The following FGF19 variants were observed in gnomAD, a reference collection of about 807,000 sequenced individuals.
FGF19 encodes FGF-19.
A neutral mutation model predicts 8.9 loss-of-function variants in FGF19; 5 were observed. The observed-to-expected ratio is 0.56, with a 90% CI of 0.29 to 1.18. The LOEUF is 1.18. Ranked by LOEUF, FGF19 falls within the 50% of genes most tolerant of loss-of-function variation. The pLI, the probability that FGF19 is intolerant of heterozygous loss-of-function variation, is 0.08. For missense variants in FGF19, 237 were observed against 293.9 expected, an observed-to-expected ratio of 0.81 and a Z score of 1.42; for synonymous variants, 124 against 128.0, an observed-to-expected ratio of 0.97 and a Z score of 0.21.
In FGF19 at chr11:69,699,275, C is replaced by A. The variant is rs1454410393; in HGVS notation, c.638G>T (p.Ser213Ile). The A allele has an allele frequency of 6.2e-7, 1 of 1,610,172 alleles. No individual in the cohort carries two copies. The highest frequency in any genetic ancestry group is 1.7e-5 in the Admixed American group (1 of 59,738). Residue 213 changes from serine (S) to isoleucine (I), a missense_variant, in exon 3 of 3, where the codon AGC (serine) becomes ATC (isoleucine). Coordinates refer to ENST00000294312, the MANE Select transcript of FGF19 (RefSeq NM_005117.3). ...GCATGGTCTCAGTTACTTCTCAAAG[C>A]TGGGACTCCTCACGGCCTCCAGTCC... ...VTGLEAVRSP[S>I]FEK
At chr11:69,701,992 A>AAG (rs1854776985) in intron 2 of FGF19, among the ~76,000 whole-genome samples, 1 of 145,382 alleles carries the variant, frequency 6.9e-6, no homozygotes, top group African/African-American at 2.5e-5. Context: ...AAAAAAAAAA[A>AAG]AGGCACAGAG....
In FGF19 at chr11:69,703,454, T is replaced by C; in HGVS notation, c.233-90A>G. 3 of 1,069,324 alleles carry C rather than the reference T, an allele frequency of 2.8e-6. No individual in the cohort carries two copies. Among genetic ancestry groups the C allele is most frequent in the South Asian group, 3.1e-5 (2 of 65,408 alleles). 66.2% of individuals were successfully genotyped at this position (1,069,324 alleles called of 1,614,324 possible). A position where few individuals can be genotyped will look rare whatever the true frequency, so the allele number is the denominator to read the frequency against. The stretch of plus-strand genomic sequence containing the variant: ...CGGTCCACAAGCCTGTGCTTCTCCC[T>C]AGCGTCCCGCGCTGTTTGGGGACTA... On this transcript the variant is annotated intron_variant, in intron 1 of 2. Transcript: ENST00000294312. This position sits in a 1 kb window ranked among gnomAD's most constrained non-coding sequence, Gnocchi z 6.8.
At chr11:69,701,690 C>T (rs1443305433) in intron 2 of FGF19, among the ~76,000 whole-genome samples, 2 of 150,752 alleles carry the variant, frequency 1.3e-5, no homozygotes, top group East Asian at 3.9e-4. Flanking sequence ...GGGCTGGGCG[C>T]GGTGGCTCAC....
rs1361077204 is a variant in FGF19 at position 69,703,549 on chromosome 11, A to G, written c.232+96T>C. Reference sequence around the variant, plus strand: ...GGAGTTGAGGGGTCCGCAGGAGCCTAAGGGTGGCAAAGGAAGGAAGGGCGC... The same window carrying G: ...GGAGTTGAGGGGTCCGCAGGAGCCTGAGGGTGGCAAAGGAAGGAAGGGCGC... On this transcript the variant is annotated intron_variant, in intron 1 of 2. Coordinates refer to ENST00000294312, the MANE Select transcript of FGF19 (RefSeq NM_005117.3). This position sits in a 1 kb window ranked among gnomAD's most constrained non-coding sequence, Gnocchi z 6.8. 1.4e-6 allele frequency: 1 copy of G among 711,496 alleles called. No individual in the cohort carries two copies. The highest frequency in any genetic ancestry group is 2.0e-5 in the African/African-American group (1 of 50,502). 44.1% of individuals were successfully genotyped at this position (711,496 alleles called of 1,614,324 possible). A position where few individuals can be genotyped will look rare whatever the true frequency, so the allele number is the denominator to read the frequency against.
rs966823211 is a variant in FGF19 at position 69,702,422 on chromosome 11, G to C, written c.336+839C>G. On this transcript the variant is annotated intron_variant, in intron 2 of 2. Transcript: ENST00000294312. The surrounding 1 kb of genome is among the most constrained non-coding windows in gnomAD (Gnocchi z 4.6). ...TGGCCCCTGCTCCGCCAGGGAGTCCGGGGCTGCGTGTGAGGCCTGCGCGGG... is the reference window on the plus strand; with the variant it reads ...TGGCCCCTGCTCCGCCAGGGAGTCCCGGGCTGCGTGTGAGGCCTGCGCGGG... Among the ~76,000 whole-genome samples the C allele has an allele frequency of 1.1e-4, 17 of 152,128 alleles. No homozygotes were observed. Among genetic ancestry groups the C allele is most frequent in the Non-Finnish European group, 2.2e-4 (15 of 68,008 alleles).
chr11:69,698,682 G>C lies in FGF19; in HGVS notation c.*580C>G, dbSNP rs1254387388. On this transcript the variant is annotated 3_prime_UTR_variant, in exon 3 of 3. Transcript: ENST00000294312. ...TCCCAGGGCTGGAGTGGGGCTCCAGGCTTCCCCTACTCCTGAAGCCTGGTG... is the reference window on the plus strand; with the variant it reads ...TCCCAGGGCTGGAGTGGGGCTCCAGCCTTCCCCTACTCCTGAAGCCTGGTG... The C allele has an allele frequency of 5.1e-6, 1 of 197,312 alleles. No individual in the cohort carries two copies. The allele number at this position is 197,312 out of a possible 1,614,324, so 12.2% of individuals were successfully genotyped here.
In FGF19 at chr11:69,698,659, C is replaced by T. The variant is rs751140818; in HGVS notation, c.*603G>A. 9 of 196,846 alleles carry T rather than the reference C, an allele frequency of 4.6e-5. No individual in the cohort carries two copies. Among genetic ancestry groups the T allele is most frequent in the Non-Finnish European group, 8.4e-5 (8 of 95,150 alleles). 12.2% of individuals were successfully genotyped at this position (196,846 alleles called of 1,614,324 possible). A position where few individuals can be genotyped will look rare whatever the true frequency, so the allele number is the denominator to read the frequency against. ...CCTCAGGGGGAATTCTCAAGTTGTC[C>T]CAGGGCTGGAGTGGGGCTCCAGGCT... is the stretch of plus-strand genomic sequence containing the variant. On this transcript the variant is annotated 3_prime_UTR_variant, in exon 3 of 3. Transcript: ENST00000294312.
rs1039328811 is a variant in FGF19, at chr11:69,702,288, A to G, written c.336+973T>C. 2.0e-5 allele frequency among the ~76,000 whole-genome samples: 3 copies of G among 152,142 alleles called. No homozygotes were observed. Among genetic ancestry groups the G allele is most frequent in the Non-Finnish European group, 4.4e-5 (3 of 68,022 alleles). On this transcript the variant is annotated intron_variant, in intron 2 of 2. Transcript: ENST00000294312. The surrounding 1 kb of genome is among the most constrained non-coding windows in gnomAD (Gnocchi z 4.6). ...AGGCACCGAGCAATTTTGAGACTCT[A>G]AAATGCTTTGTCCCGCTGTTCACAA...
rs1457646102 is a variant in FGF19, at chr11:69,699,299, C to G, written c.614G>C (p.Gly205Ala). 4.3e-6 allele frequency: 7 copies of G among 1,613,950 alleles called. No homozygotes were observed. In the East Asian group the frequency reaches 1.1e-4, roughly 26 times the overall value. ...GCTGGGACTCCTCACGGCCTCCAGT[C>G]CGGTGACAAGCCCAAATGGGTCCAT... ...DSMDPFGLVT[G>A]LEAVRSPSFE... Residue 205 changes from glycine (G) to alanine (A), a missense_variant, in exon 3 of 3, where the codon GGA becomes GCA. Physicochemically the swap from Gly to Ala is moderately conservative, Grantham distance 60 (BLOSUM62 0). Coordinates refer to ENST00000294312, the MANE Select transcript of FGF19 (RefSeq NM_005117.3).
Position 69,699,303 on chromosome 11 carries a change from T to A in FGF19, c.610A>T (p.Thr204Ser), listed in dbSNP as rs1404226926. Residue 204 changes from threonine to serine, a missense_variant, in exon 3 of 3, where the codon ACC (threonine) becomes TCC (serine). Physicochemically the swap from Thr to Ser is moderately conservative, Grantham distance 58 (BLOSUM62 1). Transcript: ENST00000294312. ...GGACTCCTCACGGCCTCCAGTCCGG[T>A]GACAAGCCCAAATGGGTCCATGCTG... ...TDSMDPFGLV[T>S]GLEAVRSPSF... 2 of 1,613,884 alleles carry A rather than the reference T, an allele frequency of 1.2e-6. No individual in the cohort carries two copies. Among genetic ancestry groups the A allele is most frequent in the Non-Finnish European group, 1.7e-6 (2 of 1,179,964 alleles).
At chr11:69,701,396 T>C (rs1385193159) in intron 2 of FGF19, among the ~76,000 whole-genome samples, 4 of 151,628 alleles carry the variant, frequency 2.6e-5, no homozygotes, top group Non-Finnish European at 1.5e-5. Flanking sequence ...TGTCAGGAGT[T>C]CGAGACCAGC....
rs1440049410 is a variant in FGF19, at chr11:69,699,268, C to T, written c.645G>A (p.Glu215=). 6.2e-7 allele frequency: 1 copy of T among 1,608,220 alleles called. No homozygotes were observed. ...GGCCCGGGCATGGTCTCAGTTACTT[C>T]TCAAAGCTGGGACTCCTCACGGCCT... ...GLEAVRSPSF[E]K Residue 215 remains glutamate, a synonymous_variant, in exon 3 of 3, where the codon GAG becomes GAA. Coordinates refer to ENST00000294312, the MANE Select transcript of FGF19 (RefSeq NM_005117.3).
intron 2 of FGF19, among the ~76,000 whole-genome samples, chr11:69,699,860 A>G (rs1854749592): frequency 6.6e-6 from 1 of 152,174 alleles, no homozygotes. Flanking sequence ...CCCAGAGCAG[A>G]TGGATCACCT....
At position 69,703,750 on chromosome 11, in the gene FGF19, G is replaced by T; in HGVS notation, c.127C>A (p.Arg43Ser). ...HVHYGWGDPIRLRHLYTSGPH... is the reference protein window; with the variant it reads ...HVHYGWGDPISLRHLYTSGPH... ...CCGGAGGTGTACAGGTGCCGCAGGC[G>T]GATGGGGTCGCCCCAGCCGTAGTGC... is the stretch of plus-strand genomic sequence containing the variant. The change falls in exon 1 of 3, where the codon CGC (arginine) becomes AGC (serine). Residue 43 changes from arginine to serine, a missense_variant. Physicochemically the swap from Arg to Ser is moderately radical, Grantham distance 110 (BLOSUM62 -1). Coordinates refer to ENST00000294312, the MANE Select transcript of FGF19 (RefSeq NM_005117.3). The surrounding 1 kb of genome is among the most constrained non-coding windows in gnomAD (Gnocchi z 6.8). 8.1e-7 allele frequency: 1 copy of T among 1,233,974 alleles called. No individual in the cohort carries two copies. The highest frequency in any genetic ancestry group is 1.0e-6 in the Non-Finnish European group (1 of 988,750). The allele number at this position is 1,233,974 out of a possible 1,614,324, so 76.4% of individuals were successfully genotyped here.
chr11:69,700,984 G>C (rs1854766828), intron 2 of FGF19, among the ~76,000 whole-genome samples: 1 of 152,252 alleles, frequency 6.6e-6, no homozygotes, highest in Non-Finnish European at 1.5e-5. Flanking sequence ...GCCTCAGTCA[G>C]GTTCCTGCCT....
At position 69,698,689 on chromosome 11, in the gene FGF19, C is replaced by A. The variant is rs563262796; in HGVS notation, c.*573G>T. On this transcript the variant is annotated 3_prime_UTR_variant, in exon 3 of 3. Coordinates refer to ENST00000294312, the MANE Select transcript of FGF19 (RefSeq NM_005117.3). ...GCTGGAGTGGGGCTCCAGGCTTCCC[C>A]TACTCCTGAAGCCTGGTGGGCCATG... 6.1e-5 allele frequency: 12 copies of A among 197,584 alleles called. No homozygotes were observed. The highest frequency in any genetic ancestry group is 1.8e-4 in the Admixed American group (3 of 16,602). 12.2% of individuals were successfully genotyped at this position (197,584 alleles called of 1,614,324 possible).
At position 69,699,595 on chromosome 11, in the gene FGF19, G is replaced by A. The variant is rs1311552023; in HGVS notation, c.337-19C>T. 1.3e-6 allele frequency: 2 copies of A among 1,581,402 alleles called. No homozygotes were observed. The highest frequency in any genetic ancestry group is 1.7e-6 in the Non-Finnish European group (2 of 1,162,736). On this transcript the variant is annotated intron_variant, in intron 2 of 2. Transcript: ENST00000294312. ...ACTGAAGCTGCAGAGAAAACAGGCA[G>A]CTCTGAGCAATCCACAGTGGACAGG...
At position 69,703,134 on chromosome 11, in the gene FGF19, G is replaced by C; in HGVS notation, c.336+127C>G. ...TGCAATCTTTCCCTCGAAGTTGCAC[G>C]CGGGTCTGGGCGGAGGAGGCGAGGA... On this transcript the variant is annotated intron_variant, in intron 2 of 2. Transcript: ENST00000294312. The surrounding 1 kb of genome is among the most constrained non-coding windows in gnomAD (Gnocchi z 6.8). The C allele has an allele frequency of 1.8e-6, 1 of 570,644 alleles. No homozygotes were observed. Among genetic ancestry groups the C allele is most frequent in the East Asian group, 3.1e-5 (1 of 32,222 alleles). 35.3% of individuals were successfully genotyped at this position (570,644 alleles called of 1,614,324 possible).
chr11:69,703,241 C>T lies in FGF19; in HGVS notation c.336+20G>A. On this transcript the variant is annotated intron_variant, in intron 2 of 2. Coordinates refer to ENST00000294312, the MANE Select transcript of FGF19 (RefSeq NM_005117.3). The surrounding 1 kb of genome is among the most constrained non-coding windows in gnomAD (Gnocchi z 6.8). ...CGCCGGTCCCCCGCCCCGGCGCATCCGCCCCGTGGGGACACTTACCAGCCC... is the reference window on the plus strand; with the variant it reads ...CGCCGGTCCCCCGCCCCGGCGCATCTGCCCCGTGGGGACACTTACCAGCCC... The T allele has an allele frequency of 1.3e-6, 2 of 1,552,266 alleles. No homozygotes were observed. The highest frequency in any genetic ancestry group is 1.8e-6 in the Non-Finnish European group (2 of 1,141,166).
Sources: gnomAD v4.1 joint callset for allele counts (sites outside exome capture counted in the v4.1 genomes callset) on GRCh38, gnomAD v4.1.1 for gene constraint, Gnocchi (gnomAD v3.1) non-coding constraint, MANE v1.5 for transcripts, NCBI Gene and HGNC (gene_info 2026-07-23, HGNC 2026-07-21) for gene names.